The following TTC34 variants were observed in gnomAD, a reference collection of about 807,000 sequenced individuals.
TTC34 encodes the protein tetratricopeptide repeat protein 34.
TTC34 carries 44 observed loss-of-function variants against 40.7 expected under a neutral mutation model. The observed-to-expected ratio is 1.08, with a 90% confidence interval of 0.85 to 1.39. TTC34 has a LOEUF of 1.39. Among genes scored for constraint, TTC34 ranks in the 40% most tolerant of loss-of-function variants. The pLI is 0.00. For missense variants in TTC34, 884 were observed against 838.0 expected, an observed-to-expected ratio of 1.05 and a Z score of -0.68; for synonymous variants, 422 against 398.6, an observed-to-expected ratio of 1.06 and a Z score of -0.70.
At chr1:2,692,106 C>A (rs61765715) in intron 6 of TTC34, among the ~76,000 whole-genome samples, 690 of 47,078 alleles carry the variant, frequency 0.015, no homozygotes, top group African/African-American at 0.017. Context: ...AACCCACACC[C>A]CCAGGCGAGC....
intron 2 of TTC34, among the ~76,000 whole-genome samples, chr1:2,798,560 T>A (rs1202008997): frequency 1.5e-5 from 1 of 68,628 alleles, no homozygotes; most frequent in Non-Finnish European, 2.8e-5. Flanking sequence ...CTCCCCAGCC[T>A]CCCAGCCTCC....
At chr1:2,638,335 G>T (rs1243968660) in exon 9 of TTC34, 1 of 152,182 alleles carries the variant, frequency 6.6e-6, no homozygotes, top group South Asian at 2.1e-4. Context: ...CTTTATTGAT[G>T]CAGGTACACT....
chr1:2,785,299 AC>A (rs1643567178), intron 5 of TTC34, among the ~76,000 whole-genome samples: 1 of 59,656 alleles, frequency 1.7e-5, no homozygotes, highest in Admixed American at 1.9e-4. Flanking sequence ...CACTCCCTGT[AC>A]CCCAGGAGAT....
intron 2 of TTC34, among the ~76,000 whole-genome samples, chr1:2,799,679 C>T (rs759667899): frequency 6.6e-6 from 1 of 152,158 alleles, no homozygotes; most frequent in Non-Finnish European, 1.5e-5. Context: ...TCGTTTTCCC[C>T]TTCCCTCCGA....
In TTC34 at chr1:2,644,494, G is replaced by A. The variant is rs1355811880; in HGVS notation, c.2498-16C>T. ...TCGTAGCTGCCTGTCAGGGATTCAG[G>A]AGGGACAGTCAGTGTGTGGGGTTGG... On this transcript the variant is annotated splice_polypyrimidine_tract_variant and intron_variant, in intron 7 of 8. Coordinates refer to ENST00000401095, the Ensembl canonical transcript of TTC34. The A allele has an allele frequency of 6.5e-7, 1 of 1,529,600 alleles. No homozygotes were observed. Among genetic ancestry groups the A allele is most frequent in the Non-Finnish European group, 8.8e-7 (1 of 1,141,926 alleles). 94.8% of individuals were successfully genotyped at this position (1,529,600 alleles called of 1,614,324 possible).
At chr1:2,767,821 C>G (rs1031137292) in intron 6 of TTC34, among the ~76,000 whole-genome samples, 5 of 150,674 alleles carry the variant, frequency 3.3e-5, no homozygotes, top group African/African-American at 1.2e-4. Context: ...AGGTGAGCAT[C>G]TGACAGCCTG....
At chr1:2,761,023 C>G (rs1338576024) in intron 6 of TTC34, among the ~76,000 whole-genome samples, 1 of 66,428 alleles carries the variant, frequency 1.5e-5, no homozygotes, top group Non-Finnish European at 2.5e-5. Flanking sequence ...AGCATATGAC[C>G]ACCTGGAGCA....
intron 6 of TTC34, among the ~76,000 whole-genome samples, chr1:2,753,194 A>G: frequency 2.9e-5 from 3 of 104,274 alleles, no homozygotes; most frequent in Non-Finnish European, 3.6e-5. Context: ...AGCATCTGAC[A>G]TCGTGCAGCA....
Position 2,783,783 on chromosome 1 carries a change from A to C in TTC34, c.2060-8T>G, listed in dbSNP as rs1384881755. 4 of 1,489,098 alleles carry C rather than the reference A, an allele frequency of 2.7e-6. No homozygotes were observed. Among genetic ancestry groups the C allele is most frequent in the Non-Finnish European group, 3.6e-6 (4 of 1,114,624 alleles). The allele number at this position is 1,489,098 out of a possible 1,614,324, so 92.2% of individuals were successfully genotyped here. On this transcript the variant is annotated splice_region_variant and splice_polypyrimidine_tract_variant and intron_variant, in intron 5 of 8. Coordinates refer to ENST00000401095, the Ensembl canonical transcript of TTC34. ...ACTCACTTGCCTGGCTTCCTGCAGG[A>C]AGACGGCATGGGGTCAGGATGAGCC...
chr1:2,793,880 A>C (rs1053145794), intron 2 of TTC34, among the ~76,000 whole-genome samples: 2 of 151,684 alleles, frequency 1.3e-5, no homozygotes, highest in African/African-American at 2.4e-5. Flanking sequence ...TTCCTTCTCC[A>C]TCTTCTGCTT....
chr1:2,690,501 C>T (rs903180398), intron 6 of TTC34, among the ~76,000 whole-genome samples: 4 of 121,322 alleles, frequency 3.3e-5, no homozygotes, highest in African/African-American at 1.2e-4. Flanking sequence ...CACCCGCACG[C>T]ACAGATGAGA....
chr1:2,750,722 C>T (rs1292069959), intron 6 of TTC34, among the ~76,000 whole-genome samples: 1 of 121,340 alleles, frequency 8.2e-6, no homozygotes, highest in Non-Finnish European at 1.7e-5. Flanking sequence ...GAGCAGCACC[C>T]ACACCCCCAG....
intron 6 of TTC34, among the ~76,000 whole-genome samples, chr1:2,686,059 C>G (rs1311056578): frequency 4.3e-5 from 5 of 116,520 alleles, no homozygotes; most frequent in South Asian, 5.5e-4. Flanking sequence ...GAGCATCCGA[C>G]AGCCTGGAGA....
intron 6 of TTC34, among the ~76,000 whole-genome samples, chr1:2,750,645 C>A (rs1476691556): frequency 3.2e-5 from 2 of 63,328 alleles, no homozygotes; most frequent in East Asian, 5.1e-4. Context: ...AGCACCCACA[C>A]CCCCAGGTGA....
intron 6 of TTC34, among the ~76,000 whole-genome samples, chr1:2,760,469 G>C (rs1641658510): frequency 1.8e-5 from 1 of 54,234 alleles, no homozygotes; most frequent in Admixed American, 2.0e-4. Flanking sequence ...CTGACAGCCT[G>C]GAACACCACC....
At chr1:2,768,444 A>T (rs1217778622) in intron 6 of TTC34, among the ~76,000 whole-genome samples, 1 of 151,432 alleles carries the variant, frequency 6.6e-6, no homozygotes, top group Non-Finnish European at 1.5e-5. Context: ...GACAGCCTGG[A>T]ACAGAACCCC....
chr1:2,753,304 G>C (rs1443124376), intron 6 of TTC34, among the ~76,000 whole-genome samples: 1 of 118,148 alleles, frequency 8.5e-6, no homozygotes, highest in Non-Finnish European at 1.7e-5. Flanking sequence ...ACACCCAGGT[G>C]AGCATCCGAC....
At chr1:2,767,687 C>G (rs1183095705) in intron 6 of TTC34, among the ~76,000 whole-genome samples, 4 of 128,654 alleles carry the variant, frequency 3.1e-5, no homozygotes, top group Non-Finnish European at 6.5e-5. Context: ...TTCTCCAACC[C>G]CAGGTGAGGA....
At chr1:2,760,025 C>CT (rs1641644179) in intron 6 of TTC34, among the ~76,000 whole-genome samples, 5 of 43,746 alleles carry the variant, frequency 1.1e-4, no homozygotes, top group African/African-American at 1.8e-4. Flanking sequence ...TCGGAGAGTC[C>CT]GGAGCAGCGC....
Sources: allele counts gnomAD v4.1 joint callset (sites outside exome capture counted in the v4.1 genomes callset), GRCh38; gene constraint gnomAD v4.1.1; transcripts MANE v1.5; gene names NCBI Gene and HGNC (gene_info 2026-07-23, HGNC 2026-07-21).